Variants in LRMDA observed in about 807,000 individuals in gnomAD.
LRMDA encodes the protein leucine rich melanocyte differentiation associated, also known as leucine-rich melanocyte differentiation-associated protein.
Under a neutral mutation model 29.8 loss-of-function variants are expected in LRMDA, and 18 were observed. The ratio of observed to expected loss-of-function variants is 0.60; its 90% CI spans 0.42 to 0.90. LRMDA has a LOEUF of 0.90. Among genes scored for constraint, LRMDA ranks in the 40% least tolerant of loss-of-function variants. The probability of loss-of-function intolerance (pLI) is 0.00; values close to 1 mark genes in which losing one functional copy is unlikely to be tolerated. For synonymous variants in LRMDA, 125 were observed against 109.4 expected, an observed-to-expected ratio of 1.14 and a Z score of -0.89; for missense variants, 273 against 273.9, an observed-to-expected ratio of 1.00 and a Z score of 0.02.
chr10:76,273,846 G>A (rs1008470753), intron 5 of LRMDA, among the ~76,000 whole-genome samples: 1 of 152,148 alleles, frequency 6.6e-6, no homozygotes, highest in Admixed American at 6.6e-5. Context: ...AATGATCCAT[G>A]TAGAGTTCAT....
At chr10:75,873,873 T>C (rs1203568981) in intron 2 of LRMDA, among the ~76,000 whole-genome samples, 1 of 152,192 alleles carries the variant, frequency 6.6e-6, no homozygotes, top group Non-Finnish European at 1.5e-5. Context: ...CACTGTATAG[T>C]ATCAGGTCTG....
chr10:76,127,614 A>C (rs1849907562), intron 5 of LRMDA, among the ~76,000 whole-genome samples: 1 of 151,550 alleles, frequency 6.6e-6, no homozygotes. Context: ...GTTTGGCAAG[A>C]CTCAGTGTGT....
rs533000174 is a variant in LRMDA at position 75,876,609 on chromosome 10, T to A, written c.132-159399T>A. Reference sequence around the variant, plus strand: ...GTCTAGAACTTTCTATTCATGGGCCTGATATATAGCCCAGGGATCTGCATT... The same window carrying A: ...GTCTAGAACTTTCTATTCATGGGCCAGATATATAGCCCAGGGATCTGCATT... On this transcript the variant is annotated intron_variant, in intron 2 of 6. Coordinates refer to ENST00000611255, the MANE Select transcript of LRMDA (RefSeq NM_001305581.2). Among the ~76,000 whole-genome samples the A allele has an allele frequency of 5.3e-3, 800 of 152,284 alleles. 8 individuals carry two copies. Among genetic ancestry groups the A allele is most frequent in the Non-Finnish European group, 8.5e-3 (576 of 68,028 alleles).
intron 2 of LRMDA, among the ~76,000 whole-genome samples, chr10:75,880,031 G>T (rs1845267813): frequency 6.6e-6 from 1 of 152,146 alleles, no homozygotes; most frequent in South Asian, 2.1e-4. Flanking sequence ...TATGCAGTAG[G>T]TATAATATTT....
At chr10:75,814,640 G>A (rs1844026522) in intron 2 of LRMDA, among the ~76,000 whole-genome samples, 1 of 152,250 alleles carries the variant, frequency 6.6e-6, no homozygotes, top group African/African-American at 2.4e-5. Context: ...CAGGCAGCCG[G>A]TTGACACAAC....
chr10:76,387,342 C>T (rs1221439770), intron 6 of LRMDA, among the ~76,000 whole-genome samples: 1 of 152,090 alleles, frequency 6.6e-6, no homozygotes, highest in Admixed American at 6.6e-5. Context: ...TGGCTCATGC[C>T]TATAACCCAG....
chr10:76,155,510 G>A (rs1280146058), intron 5 of LRMDA, among the ~76,000 whole-genome samples: 2 of 152,136 alleles, frequency 1.3e-5, no homozygotes, highest in Non-Finnish European at 2.9e-5. Context: ...GACAATATTA[G>A]CATTTTTCAA....
intron 5 of LRMDA, among the ~76,000 whole-genome samples, chr10:76,168,278 GA>G (rs1301135089): frequency 6.6e-6 from 1 of 152,098 alleles, no homozygotes; most frequent in Non-Finnish European, 1.5e-5. Context: ...TGACTCCTAG[GA>G]AAGTCTGGTT....
chr10:75,563,636 C>T (rs1423327287), intron 2 of LRMDA, among the ~76,000 whole-genome samples: 2 of 152,102 alleles, frequency 1.3e-5, no homozygotes, highest in East Asian at 3.8e-4. Context: ...TTTTACTGTT[C>T]TGTTTTTTCC....
chr10:75,618,245 T>G (rs1436527441), intron 2 of LRMDA, among the ~76,000 whole-genome samples: 1 of 41,768 alleles, frequency 2.4e-5, no homozygotes, highest in Non-Finnish European at 1.1e-4. Flanking sequence ...AAAATAACAC[T>G]GTAAAAGTGA....
chr10:76,037,466 T>C (rs1848269510), intron 3 of LRMDA, among the ~76,000 whole-genome samples: 1 of 152,282 alleles, frequency 6.6e-6, no homozygotes, highest in African/African-American at 2.4e-5. Context: ...TGTTAGCTAC[T>C]GTTTATACTT....
At chr10:75,686,843 T>C (rs183351615) in intron 2 of LRMDA, among the ~76,000 whole-genome samples, 1 of 152,350 alleles carries the variant, frequency 6.6e-6, no homozygotes, top group Admixed American at 6.5e-5. Flanking sequence ...CAAGAGCATG[T>C]GCTCGCTTCG....
At chr10:76,200,808 C>A (rs1468286667) in intron 5 of LRMDA, among the ~76,000 whole-genome samples, 1 of 150,812 alleles carries the variant, frequency 6.6e-6, no homozygotes, top group South Asian at 2.1e-4. Flanking sequence ...GCGCCTGCCT[C>A]CCAGGTTCAA....
At chr10:75,625,406 TC>T (rs1841237960) in intron 2 of LRMDA, among the ~76,000 whole-genome samples, 1 of 152,000 alleles carries the variant, frequency 6.6e-6, no homozygotes, top group South Asian at 2.1e-4. Flanking sequence ...AGCCCGAGAG[TC>T]CGTTTCTGTC....
rs1840444467 is a variant in LRMDA at position 75,572,116 on chromosome 10, G to T, written c.131+133622G>T. Among the ~76,000 whole-genome samples, 12 of 152,186 alleles carry T rather than the reference G, an allele frequency of 7.9e-5. No individual in the cohort carries two copies. The South Asian group carries it at 2.3e-3, about 29-fold the overall frequency. ...CTACAGGTGCACACCACCACGCCCA[G>T]CTAATTTTTGTATTTTTAGTAGAGA... is the stretch of plus-strand genomic sequence containing the variant. On this transcript the variant is annotated intron_variant, in intron 2 of 6. Coordinates refer to ENST00000611255, the MANE Select transcript of LRMDA (RefSeq NM_001305581.2).
chr10:75,782,727 G>C, intron 2 of LRMDA: 1 of 1,318,356 alleles, frequency 7.6e-7, no homozygotes, highest in Non-Finnish European at 9.7e-7. Context: ...ATGGAGACCG[G>C]GGCGAAACTG....
At chr10:75,701,618 T>C (rs1842309128) in intron 2 of LRMDA, among the ~76,000 whole-genome samples, 1 of 152,200 alleles carries the variant, frequency 6.6e-6, no homozygotes, top group African/African-American at 2.4e-5. Flanking sequence ...TAAGAGTTTC[T>C]GAGCAGTGAT....
At chr10:75,611,839 A>G (rs940360273) in intron 2 of LRMDA, among the ~76,000 whole-genome samples, 79 of 152,274 alleles carry the variant, frequency 5.2e-4, no homozygotes, top group African/African-American at 1.9e-3. Context: ...CTAGTGCACA[A>G]CCTGAACAAC....
chr10:76,433,413 C>T (rs1842211840), intron 6 of LRMDA, among the ~76,000 whole-genome samples: 1 of 152,132 alleles, frequency 6.6e-6, no homozygotes, highest in African/African-American at 2.4e-5. Context: ...GACCACTTAG[C>T]AGGCAAGGAA....
Sources: gnomAD v4.1 joint callset for allele counts (sites outside exome capture counted in the v4.1 genomes callset) on GRCh38, gnomAD v4.1.1 for gene constraint, MANE v1.5 for transcripts, NCBI Gene and HGNC (gene_info 2026-07-23, HGNC 2026-07-21) for gene names.